Variants in ATXN1 observed in about 807,000 individuals in gnomAD.
ATXN1 encodes the protein ataxin 1.
ATXN1 carries 8 observed loss-of-function variants against 56.4 expected under a neutral mutation model. The observed-to-expected ratio is 0.14, with a 90% CI of 0.08 to 0.26. ATXN1 has a LOEUF of 0.26. Ranked by LOEUF, ATXN1 falls within the 10% of genes least tolerant of loss-of-function variation. The pLI is 1.00. For missense variants in ATXN1, 987 were observed against 1,106.5 expected (o/e 0.89, Z 1.53); for synonymous variants, 514 against 494.6 (o/e 1.04, Z -0.52).
At chr6:16,679,245 T>G (rs1758752281) in intron 2 of ATXN1, among the ~76,000 whole-genome samples, 1 of 147,556 alleles carries the variant, frequency 6.8e-6, no homozygotes, top group African/African-American at 2.5e-5. Flanking sequence ...GATGGATGGG[T>G]GGGTGGATGG....
intron 4 of ATXN1, among the ~76,000 whole-genome samples, chr6:16,539,274 T>C (rs1243930658): frequency 6.6e-6 from 1 of 152,194 alleles, no homozygotes; most frequent in Non-Finnish European, 1.5e-5. Context: ...CTCTCTTCTC[T>C]TGTATCAAGC....
At chr6:16,549,740 A>G (rs1761881629) in intron 4 of ATXN1, among the ~76,000 whole-genome samples, 1 of 152,012 alleles carries the variant, frequency 6.6e-6, no homozygotes, top group Non-Finnish European at 1.5e-5. Context: ...TCTACTAAAA[A>G]TGCAAAATTA....
chr6:16,565,951 C>T (rs1762208535), intron 4 of ATXN1, among the ~76,000 whole-genome samples: 1 of 152,144 alleles, frequency 6.6e-6, no homozygotes, highest in Non-Finnish European at 1.5e-5. Flanking sequence ...GAGGTGCCAG[C>T]TCCATTTGGT....
chr6:16,317,313 T>TTTTC (rs776430942), intron 7 of ATXN1, among the ~76,000 whole-genome samples: 11 of 151,990 alleles, frequency 7.2e-5, no homozygotes, highest in Admixed American at 1.3e-4. Flanking sequence ...CCTTTATAAC[T>TTTTC]TTTCTTTCTT....
chr6:16,738,760 G>A (rs899137255), intron 2 of ATXN1: 2 of 152,188 alleles, frequency 1.3e-5, no homozygotes, highest in Non-Finnish European at 2.9e-5. Context: ...GGTTTGACCC[G>A]TGTCTTTGTC....
At chr6:16,665,082 A>T (rs1004314444) in intron 2 of ATXN1, among the ~76,000 whole-genome samples, 18 of 152,142 alleles carry the variant, frequency 1.2e-4, no homozygotes, top group African/African-American at 4.3e-4. Context: ...CTCTGAATTC[A>T]GTTTTCTGTG....
intron 4 of ATXN1, among the ~76,000 whole-genome samples, chr6:16,573,138 A>G (rs1380263812): frequency 6.6e-6 from 1 of 152,184 alleles, no homozygotes; most frequent in Non-Finnish European, 1.5e-5. Flanking sequence ...AGTCTAGCCT[A>G]AGCCACAGGC....
chr6:16,709,443 T>A (rs1017894248), intron 2 of ATXN1, among the ~76,000 whole-genome samples: 1 of 152,200 alleles, frequency 6.6e-6, no homozygotes, highest in Non-Finnish European at 1.5e-5. Context: ...GGCACAATGA[T>A]GATACAACTG....
chr6:16,564,163 TA>T (rs967521296), intron 4 of ATXN1, among the ~76,000 whole-genome samples: 9 of 152,188 alleles, frequency 5.9e-5, no homozygotes, highest in African/African-American at 1.7e-4. Context: ...ACATGATGCT[TA>T]GCAGAGCGCC....
chr6:16,491,563 C>G (rs1760666195), intron 5 of ATXN1, among the ~76,000 whole-genome samples: 1 of 152,020 alleles, frequency 6.6e-6, no homozygotes, highest in Admixed American at 6.6e-5. Context: ...TCCCAAAGTG[C>G]CGGGATTACA....
chr6:16,498,480 T>G (rs1176378023), intron 5 of ATXN1, among the ~76,000 whole-genome samples: 1 of 152,230 alleles, frequency 6.6e-6, no homozygotes, highest in Non-Finnish European at 1.5e-5. Flanking sequence ...GAATACCTGT[T>G]TGCAAATCTC....
At chr6:16,666,102 T>C (rs1036035613) in intron 2 of ATXN1, among the ~76,000 whole-genome samples, 4 of 152,198 alleles carry the variant, frequency 2.6e-5, no homozygotes, top group African/African-American at 7.2e-5. Context: ...AACTATATTT[T>C]TATAGCCACT....
chr6:16,512,389 A>G (rs1761100607), intron 5 of ATXN1, among the ~76,000 whole-genome samples: 2 of 152,212 alleles, frequency 1.3e-5, no homozygotes, highest in African/African-American at 4.8e-5. Flanking sequence ...CCTCAGCTCT[A>G]AGAAGAGTAA....
chr6:16,451,969 T>C (rs147304147), intron 6 of ATXN1, among the ~76,000 whole-genome samples: 3 of 152,320 alleles, frequency 2.0e-5, no homozygotes, highest in Non-Finnish European at 4.4e-5. Flanking sequence ...GAAAATATTC[T>C]GGGATTTGTC....
chr6:16,711,274 A>G lies in ATXN1; in HGVS notation c.-615+41959T>C, dbSNP rs1227140403. The stretch of plus-strand genomic sequence containing the variant: ...CATATCTTAATTTGAAATGGCTCAT[A>G]TACTTAAATGTTAAGGCTAAACTAG... On this transcript the variant is annotated intron_variant, in intron 2 of 7. Transcript: ENST00000436367. Among the ~76,000 whole-genome samples the G allele has an allele frequency of 2.0e-5, 3 of 152,210 alleles. No individual in the cohort carries two copies. In the South Asian group the frequency reaches 6.2e-4, roughly 32 times the overall value.
chr6:16,705,051 C>T (rs1314500632), intron 2 of ATXN1, among the ~76,000 whole-genome samples: 2 of 152,188 alleles, frequency 1.3e-5, no homozygotes, highest in South Asian at 2.1e-4. Flanking sequence ...AAAATCCCTA[C>T]CCGCTGGAGC....
At chr6:16,441,086 C>T (rs1464801996) in intron 6 of ATXN1, among the ~76,000 whole-genome samples, 1 of 152,086 alleles carries the variant, frequency 6.6e-6, no homozygotes, top group Non-Finnish European at 1.5e-5. Flanking sequence ...CCTGCAGAAT[C>T]CAATTCATGG....
intron 2 of ATXN1, among the ~76,000 whole-genome samples, chr6:16,701,548 C>T (rs188223768): frequency 2.0e-5 from 3 of 152,266 alleles, no homozygotes; most frequent in African/African-American, 7.2e-5. Flanking sequence ...TCAAATTGTC[C>T]CTGTTTGCAG....
chr6:16,586,692 T>C (rs1241369248), intron 3 of ATXN1, among the ~76,000 whole-genome samples: 4 of 152,220 alleles, frequency 2.6e-5, no homozygotes, highest in Non-Finnish European at 5.9e-5. Context: ...TCTTCAAGGC[T>C]GATCTTTCTA....
Sources: allele counts gnomAD v4.1 joint callset (sites outside exome capture counted in the v4.1 genomes callset), GRCh38; gene constraint gnomAD v4.1.1; transcripts MANE v1.5; gene names NCBI Gene and HGNC (gene_info 2026-07-23, HGNC 2026-07-21).